TMEM177: variants seen among roughly 807,000 people sequenced by gnomAD.
The protein encoded by TMEM177 is transmembrane protein 177.
In TMEM177, 4 loss-of-function variants were observed where a neutral mutation model predicts 14.2. The ratio of observed to expected loss-of-function variants is 0.28; its 90% CI spans 0.14 to 0.64. The LOEUF (loss-of-function observed/expected upper bound fraction) is 0.64. Among genes scored for constraint, TMEM177 ranks in the 30% least tolerant of loss-of-function variants. The probability of loss-of-function intolerance (pLI) is 0.82; values close to 1 mark genes in which losing one functional copy is unlikely to be tolerated. For synonymous variants in TMEM177, 179 were observed against 174.5 expected, an observed-to-expected ratio of 1.03 and a Z score of -0.20; for missense variants, 344 against 405.2, an observed-to-expected ratio of 0.85 and a Z score of 1.30.
At chr2:119,704,424 C>T in the TMEM177 span, among the ~76,000 whole-genome samples, 123,786 of 152,072 alleles carry the variant, frequency 0.81, 50,553 homozygotes, top group East Asian at 0.89. Flanking sequence ...ATGGTGAAAC[C>T]CCGTCTGTAC....
chr2:119,709,217 A>G, the TMEM177 span, among the ~76,000 whole-genome samples: 1 of 152,184 alleles, frequency 6.6e-6, no homozygotes, highest in African/African-American at 2.4e-5. Flanking sequence ...GGTCCTCACT[A>G]AGTGCCTGTG....
At chr2:119,703,072 C>CGG in the TMEM177 span, among the ~76,000 whole-genome samples, 1 of 152,340 alleles carries the variant, frequency 6.6e-6, no homozygotes, top group East Asian at 1.9e-4. Flanking sequence ...CAGGAGCCCC[C>CGG]GGGAGAAGGG....
At chr2:119,704,135 T>A in the TMEM177 span, among the ~76,000 whole-genome samples, 6 of 152,212 alleles carry the variant, frequency 3.9e-5, no homozygotes, top group South Asian at 1.2e-3. Context: ...GACACCAGAT[T>A]CAAATTTAGA....
the TMEM177 span, among the ~76,000 whole-genome samples, chr2:119,695,957 C>T: frequency 0.026 from 3,985 of 152,286 alleles, 55 homozygotes; most frequent in Non-Finnish European, 0.032. Context: ...AAGCATGGCC[C>T]AGCCTGGCCT....
At chr2:119,712,428 A>G in the TMEM177 span, among the ~76,000 whole-genome samples, 1 of 152,106 alleles carries the variant, frequency 6.6e-6, no homozygotes. Context: ...AAGGATGATT[A>G]AGTTAAAATG....
the TMEM177 span, among the ~76,000 whole-genome samples, chr2:119,699,526 A>G: frequency 1.3e-5 from 2 of 152,146 alleles, no homozygotes; most frequent in Non-Finnish European, 2.9e-5. Context: ...AGTCCCTACT[A>G]GGGTGCTTCC....
chr2:119,723,195 C>T, the TMEM177 span, among the ~76,000 whole-genome samples: 9 of 152,174 alleles, frequency 5.9e-5, no homozygotes, highest in African/African-American at 1.7e-4. Context: ...ATCGAAGACA[C>T]GTCAAGGAAG....
chr2:119,707,317 T>C, the TMEM177 span, among the ~76,000 whole-genome samples: 3 of 152,190 alleles, frequency 2.0e-5, no homozygotes, highest in African/African-American at 4.8e-5. Flanking sequence ...TTCGTTTAGC[T>C]GGGCACATTA....
the TMEM177 span, among the ~76,000 whole-genome samples, chr2:119,712,770 C>T: frequency 6.6e-6 from 1 of 152,218 alleles, no homozygotes; most frequent in African/African-American, 2.4e-5. Context: ...CTAAACAATG[C>T]CAGTGACAAA....
At chr2:119,695,296 A>C in the TMEM177 span, among the ~76,000 whole-genome samples, 1 of 152,248 alleles carries the variant, frequency 6.6e-6, no homozygotes, top group Non-Finnish European at 1.5e-5. Context: ...AGCAGAAAGC[A>C]ATGCACAGAT....
At chr2:119,699,006 AG>A in the TMEM177 span, 1 of 191,304 alleles carries the variant, frequency 5.2e-6, no homozygotes, top group Non-Finnish European at 1.1e-5. Context: ...CAAAACCAAA[AG>A]AAAGGACACT....
chr2:119,700,683 G>T, the TMEM177 span, among the ~76,000 whole-genome samples: 5 of 152,124 alleles, frequency 3.3e-5, no homozygotes, highest in Non-Finnish European at 5.9e-5. Flanking sequence ...CTGCCTCCCA[G>T]ATTCAATGAC....
downstream of TMEM177, among the ~76,000 whole-genome samples, chr2:119,690,172 G>A (rs1382077914): frequency 6.6e-6 from 1 of 152,200 alleles, no homozygotes; most frequent in Non-Finnish European, 1.5e-5. Flanking sequence ...GCTTCTAATG[G>A]TTTAGCACTG....
the TMEM177 span, among the ~76,000 whole-genome samples, chr2:119,711,993 C>T: frequency 5.8e-4 from 89 of 152,216 alleles, no homozygotes; most frequent in South Asian, 1.0e-3. Flanking sequence ...AGAATTTCCA[C>T]GTGCATGGTC....
chr2:119,679,729 T>G (rs1688846912), intron 1 of TMEM177: 1 of 152,132 alleles, frequency 6.6e-6, no homozygotes, highest in Admixed American at 6.6e-5. Flanking sequence ...GGAAGTGTGG[T>G]GGAAAGAGAA....
chr2:119,717,591 C>T, the TMEM177 span, among the ~76,000 whole-genome samples: 32,330 of 145,084 alleles, frequency 0.22, 3,755 homozygotes, highest in South Asian at 0.32. Flanking sequence ...GCTGACTTTG[C>T]CATTGACTTG....
At chr2:119,723,094 G>A in the TMEM177 span, among the ~76,000 whole-genome samples, 4 of 152,036 alleles carry the variant, frequency 2.6e-5, no homozygotes, top group African/African-American at 9.7e-5. Flanking sequence ...GCATCATTTT[G>A]TTGTAAGTAT....
chr2:119,689,180 T>A (rs1247279812), downstream of TMEM177, among the ~76,000 whole-genome samples: 1 of 152,194 alleles, frequency 6.6e-6, no homozygotes, highest in Admixed American at 6.5e-5. Flanking sequence ...TGCAATCCTG[T>A]CTTTGTGTCT....
chr2:119,685,818 C>A, downstream of TMEM177: 1 of 688,300 alleles, frequency 1.5e-6, no homozygotes. Context: ...ATGGTGCAGA[C>A]TTATACTGTG....
Sources: allele counts gnomAD v4.1 joint callset (sites outside exome capture counted in the v4.1 genomes callset), GRCh38; gene constraint gnomAD v4.1.1; transcripts MANE v1.5; gene names NCBI Gene and HGNC (gene_info 2026-07-23, HGNC 2026-07-21).